The following HIVEP2 variants were observed in gnomAD, a reference collection of about 807,000 sequenced individuals.
HIVEP2 encodes HIVEP zinc finger 2.
Under a neutral mutation model 180.7 loss-of-function variants are expected in HIVEP2, and 14 were observed. The observed-to-expected ratio is 0.08, with a 90% CI of 0.05 to 0.12. The LOEUF (loss-of-function observed/expected upper bound fraction) is 0.12, where lower values mean the gene tolerates loss of function less well. HIVEP2 is among the 10% of genes least tolerant of loss of function. The probability of loss-of-function intolerance (pLI) is 1.00; values close to 1 mark genes in which losing one functional copy is unlikely to be tolerated. For missense variants in HIVEP2, 2,579 were observed against 3,008.5 expected (o/e 0.86, Z 3.34); for synonymous variants, 1,184 against 1,136.4 (o/e 1.04, Z -0.84).
rs557112232 is a variant in HIVEP2, at chr6:142,776,136, G to A, written c.-388+11C>T. The stretch of plus-strand genomic sequence containing the variant: ...CATATTTCTAGGACAGTTTAAAAAC[G>A]AAATGATTACCTGAACAGTTTAGAG... On this transcript the variant is annotated intron_variant, in intron 4 of 9. Coordinates refer to ENST00000367603, the MANE Select transcript of HIVEP2 (RefSeq NM_006734.4). 4.6e-5 allele frequency: 7 copies of A among 152,474 alleles called. No individual in the cohort carries two copies. Among genetic ancestry groups the A allele is most frequent in the Admixed American group, 1.3e-4 (2 of 15,268 alleles). 9.4% of individuals were successfully genotyped at this position (152,474 alleles called of 1,614,324 possible).
At chr6:142,840,116 T>C (rs1246155754) in intron 1 of HIVEP2, among the ~76,000 whole-genome samples, 1 of 152,108 alleles carries the variant, frequency 6.6e-6, no homozygotes, top group Non-Finnish European at 1.5e-5. Context: ...CCCTTCATCA[T>C]GGTTACAATC....
Position 142,761,576 on chromosome 6 carries a change from T to C in HIVEP2, c.5519-11A>G, listed in dbSNP as rs1179581266. The C allele has an allele frequency of 1.2e-5, 18 of 1,473,208 alleles. No individual in the cohort carries two copies. The highest frequency in any genetic ancestry group is 2.3e-5 in the South Asian group (2 of 88,046). The allele number at this position is 1,473,208 out of a possible 1,614,324, so 91.3% of individuals were successfully genotyped here. On this transcript the variant is annotated splice_polypyrimidine_tract_variant and intron_variant, in intron 7 of 9. Transcript: ENST00000367603. ...GCTTCGTTAGGTTTCCTTGAAAATG[T>C]AGCAAAAAAAAGAGAGAAATTAATT...
At chr6:142,853,645 T>C (rs1246413064) in intron 1 of HIVEP2, among the ~76,000 whole-genome samples, 1 of 152,108 alleles carries the variant, frequency 6.6e-6, no homozygotes, top group Non-Finnish European at 1.5e-5. Flanking sequence ...ATTGAGTCAA[T>C]AGGATATGAA....
In HIVEP2 at chr6:142,754,499, G is replaced by T. The variant is rs561827071; in HGVS notation, c.6517-568C>A. Among the ~76,000 whole-genome samples, 67 of 152,190 alleles carry T rather than the reference G, an allele frequency of 4.4e-4. 1 individual carries two copies. Among genetic ancestry groups the T allele is most frequent in the African/African-American group, 1.2e-3 (51 of 41,538 alleles). ...AACAGTGGTGAGGATCCACAAACTGGTTCCTCCAATGTGTAAGACATTGGT... is the reference window on the plus strand; with the variant it reads ...AACAGTGGTGAGGATCCACAAACTGTTTCCTCCAATGTGTAAGACATTGGT... On this transcript the variant is annotated intron_variant, in intron 9 of 9. Coordinates refer to ENST00000367603, the MANE Select transcript of HIVEP2 (RefSeq NM_006734.4).
At chr6:142,886,450 A>C (rs1776700526) in intron 1 of HIVEP2, among the ~76,000 whole-genome samples, 1 of 152,192 alleles carries the variant, frequency 6.6e-6, no homozygotes, top group Non-Finnish European at 1.5e-5. Flanking sequence ...TCATATCAGA[A>C]AATGCTGGAT....
rs1165720268 is a variant in HIVEP2 at position 142,939,895 on chromosome 6, A to C, written c.-641+5204T>G. The stretch of plus-strand genomic sequence containing the variant: ...TATATAAATTATAAAACAGAAAAAA[A>C]AGTAATCAAATGATGCAGTGGAAAA... On this transcript the variant is annotated intron_variant, in intron 1 of 9. Coordinates refer to ENST00000367603, the MANE Select transcript of HIVEP2 (RefSeq NM_006734.4). 3.9e-5 allele frequency among the ~76,000 whole-genome samples: 6 copies of C among 152,238 alleles called. No individual in the cohort carries two copies. In the East Asian group the frequency reaches 1.2e-3, roughly 29 times the overall value.
intron 1 of HIVEP2, among the ~76,000 whole-genome samples, chr6:142,932,253 C>T (rs1777957747): frequency 6.6e-6 from 1 of 152,100 alleles, no homozygotes; most frequent in African/African-American, 2.4e-5. Context: ...ACTTCATATT[C>T]CCATATATCT....
chr6:142,810,077 TA>T (rs1222589306), intron 2 of HIVEP2, among the ~76,000 whole-genome samples: 1 of 152,134 alleles, frequency 6.6e-6, no homozygotes, highest in African/African-American at 2.4e-5. Flanking sequence ...TTACCCTCTC[TA>T]GGCTGATTTC....
At chr6:142,816,253 G>A (rs1776830455) in intron 2 of HIVEP2, among the ~76,000 whole-genome samples, 1 of 152,132 alleles carries the variant, frequency 6.6e-6, no homozygotes, top group East Asian at 1.9e-4. Context: ...CCTGAGCAAG[G>A]GAATGGTCAT....
rs1468152033 is a variant in HIVEP2, at chr6:142,776,193, T to G, written c.-432-2A>C. On this transcript the variant is annotated splice_acceptor_variant, in intron 3 of 9. Coordinates refer to ENST00000367603, the MANE Select transcript of HIVEP2 (RefSeq NM_006734.4). LOFTEE classifies it low-confidence loss of function (5UTR_SPLICE). The stretch of plus-strand genomic sequence containing the variant: ...TGGGCATGATTGTCCTGACGCTTCC[T>G]GGATACAAAATAAATGCAGTTAGGG... The G allele has an allele frequency of 6.6e-6, 1 of 152,614 alleles. No homozygotes were observed. Among genetic ancestry groups the G allele is most frequent in the Non-Finnish European group, 1.5e-5 (1 of 68,018 alleles). The allele number at this position is 152,614 out of a possible 1,614,324, so 9.5% of individuals were successfully genotyped here.
intron 2 of HIVEP2, among the ~76,000 whole-genome samples, chr6:142,800,680 A>G (rs1312481651): frequency 1.3e-5 from 2 of 152,136 alleles, no homozygotes; most frequent in Non-Finnish European, 2.9e-5. Context: ...GAAAATAAAA[A>G]AAGGAGAATT....
chr6:142,857,691 C>A (rs1775858558), intron 1 of HIVEP2, among the ~76,000 whole-genome samples: 1 of 152,158 alleles, frequency 6.6e-6, no homozygotes, highest in Non-Finnish European at 1.5e-5. Flanking sequence ...TTTACCCCAC[C>A]CACACATTTT....
chr6:142,845,139 CAAAA>C (rs1332728539), intron 1 of HIVEP2, among the ~76,000 whole-genome samples: 1 of 152,274 alleles, frequency 6.6e-6, no homozygotes, highest in Non-Finnish European at 1.5e-5. Context: ...CAAAAACAAA[CAAAA>C]ATCTTGGGAC....
chr6:142,901,511 T>A (rs779770607), intron 1 of HIVEP2, among the ~76,000 whole-genome samples: 1 of 152,136 alleles, frequency 6.6e-6, no homozygotes, highest in Admixed American at 6.6e-5. Context: ...AATAAAATAA[T>A]CAAATGAAAG....
chr6:142,889,060 C>T (rs1329809069), intron 1 of HIVEP2, among the ~76,000 whole-genome samples: 1 of 152,166 alleles, frequency 6.6e-6, no homozygotes, highest in East Asian at 1.9e-4. Context: ...TGATTTTGAG[C>T]TCCTTAAGGT....
intron 2 of HIVEP2, among the ~76,000 whole-genome samples, chr6:142,789,970 A>C (rs1670886745): frequency 6.6e-6 from 1 of 152,214 alleles, no homozygotes; most frequent in African/African-American, 2.4e-5. Flanking sequence ...GAAGATAATC[A>C]ATTTCCATAA....
chr6:142,752,813 C>T lies in HIVEP2; in HGVS notation c.*294G>A, dbSNP rs1025262494. The T allele has an allele frequency of 3.6e-6, 1 of 279,172 alleles. No individual in the cohort carries two copies. The allele number at this position is 279,172 out of a possible 1,614,324, so 17.3% of individuals were successfully genotyped here. A position where few individuals can be genotyped will look rare whatever the true frequency, so the allele number is the denominator to read the frequency against. On this transcript the variant is annotated 3_prime_UTR_variant, in exon 10 of 10. Coordinates refer to ENST00000367603, the MANE Select transcript of HIVEP2 (RefSeq NM_006734.4). ...AGATACACAAATTCTAAAATATGTA[C>T]AAATTACTGCTAAAAAATGCTTATA...
At chr6:142,801,015 TCA>T (rs1776392311) in intron 2 of HIVEP2, among the ~76,000 whole-genome samples, 1 of 151,946 alleles carries the variant, frequency 6.6e-6, no homozygotes, top group Non-Finnish European at 1.5e-5. Context: ...AGGAGTCACC[TCA>T]CTATATAGTG....
intron 1 of HIVEP2, among the ~76,000 whole-genome samples, chr6:142,877,617 A>G (rs996607116): frequency 8.7e-5 from 8 of 92,122 alleles, no homozygotes; most frequent in African/African-American, 3.2e-4. Context: ...TAAATTAGAG[A>G]AAGTAAAGAG....
Sources: gnomAD v4.1 joint callset for allele counts (sites outside exome capture counted in the v4.1 genomes callset) on GRCh38, gnomAD v4.1.1 for gene constraint, MANE v1.5 for transcripts, NCBI Gene and HGNC (gene_info 2026-07-23, HGNC 2026-07-21) for gene names.